The following VTCN1 variants were observed in gnomAD, a reference collection of about 807,000 sequenced individuals.
VTCN1 encodes V-set domain containing T cell activation inhibitor 1, also known as V-set domain-containing T-cell activation inhibitor 1.
In VTCN1, 26 loss-of-function variants were observed where a neutral mutation model predicts 26.5. The ratio of observed to expected loss-of-function variants is 0.98; its 90% CI spans 0.72 to 1.36. The LOEUF is 1.36. Among genes scored for constraint, VTCN1 ranks in the 40% most tolerant of loss-of-function variants. The pLI is 0.00. For synonymous variants in VTCN1, 116 were observed against 130.7 expected, an observed-to-expected ratio of 0.89 and a Z score of 0.77; for missense variants, 298 against 337.7, an observed-to-expected ratio of 0.88 and a Z score of 0.92.
At chr1:117,188,813 A>G (rs2101573747) in intron 1 of VTCN1, among the ~76,000 whole-genome samples, 1 of 152,340 alleles carries the variant, frequency 6.6e-6, no homozygotes, top group Non-Finnish European at 1.5e-5. Context: ...GACTCCTTAA[A>G]TTATACTTTT....
chr1:117,180,660 G>A (rs931108018), intron 1 of VTCN1, among the ~76,000 whole-genome samples: 3 of 152,204 alleles, frequency 2.0e-5, no homozygotes, highest in Non-Finnish European at 2.9e-5. Context: ...GAGATTGCAG[G>A]GGTGCTCACA....
At chr1:117,152,917 G>T (rs1234001827) in intron 4 of VTCN1, among the ~76,000 whole-genome samples, 174 bp downstream of exon 4, 1 of 152,064 alleles carries the variant, frequency 6.6e-6, no homozygotes, top group Non-Finnish European at 1.5e-5. Context: ...ATTGTTTTGT[G>T]TTGGGCTTTC....
intron 1 of VTCN1, among the ~76,000 whole-genome samples, chr1:117,178,599 T>C (rs2101547789): frequency 6.9e-6 from 1 of 144,140 alleles, no homozygotes; most frequent in South Asian, 2.3e-4. Context: ...TTTTTTTTTT[T>C]TTTTTTTTTT....
At position 117,183,093 on chromosome 1, in the gene VTCN1, T is replaced by C. The variant is rs180866000; in HGVS notation, c.33-12922A>G. Among the ~76,000 whole-genome samples, 5 of 152,288 alleles carry C rather than the reference T, an allele frequency of 3.3e-5. No individual in the cohort carries two copies. The East Asian group carries it at 9.6e-4, about 29-fold the overall frequency. ...AAGAAAGCATACTAAACCTGAAAGT[T>C]TGAATAAAAATATAAGCTCAAGAAG... On this transcript the variant is annotated intron_variant, in intron 1 of 5. Transcript: ENST00000369458. The surrounding 1 kb of genome is among the most constrained non-coding windows in gnomAD (Gnocchi z 4.1).
At chr1:117,210,384 C>T (rs575618641) in intron 1 of VTCN1, among the ~76,000 whole-genome samples, 2 of 152,280 alleles carry the variant, frequency 1.3e-5, no homozygotes, top group South Asian at 2.1e-4. Context: ...CATTCTCCTC[C>T]GTCCCCCTGG....
At chr1:117,187,238 G>A (rs1207256378) in intron 1 of VTCN1, among the ~76,000 whole-genome samples, 1 of 145,562 alleles carries the variant, frequency 6.9e-6, no homozygotes, top group Non-Finnish European at 1.5e-5. Flanking sequence ...TTGAGCCCAG[G>A]AGGCAGAGGT....
At chr1:117,170,421 C>G in intron 1 of VTCN1, 4 of 560,692 alleles carry the variant, frequency 7.1e-6, no homozygotes, top group Non-Finnish European at 1.4e-5. Flanking sequence ...CATTTACTGT[C>G]CTATTTCCAG....
rs1429141977 is a variant in VTCN1 at position 117,167,205 on chromosome 1, G to A, written c.97+2902C>T. On this transcript the variant is annotated intron_variant, in intron 2 of 5. Coordinates refer to ENST00000369458, the MANE Select transcript of VTCN1 (RefSeq NM_024626.4). The surrounding 1 kb of genome is among the most constrained non-coding windows in gnomAD (Gnocchi z 4.1). The stretch of plus-strand genomic sequence containing the variant: ...CATTTACAAATGTTTTTGTATGTCT[G>A]TACTGAAGTATACAAACATAAAAAT... 1.3e-5 allele frequency among the ~76,000 whole-genome samples: 2 copies of A among 151,440 alleles called. No individual in the cohort carries two copies. Among genetic ancestry groups the A allele is most frequent in the East Asian group, 3.9e-4 (2 of 5,188 alleles).
Position 117,156,826 on chromosome 1 carries a change from A to G in VTCN1, c.193T>C (p.Ser65Pro), listed in dbSNP as rs747277132. The G allele has an allele frequency of 1.2e-6, 2 of 1,614,080 alleles. No individual in the cohort carries two copies. Among genetic ancestry groups the G allele is most frequent in the South Asian group, 2.2e-5 (2 of 91,082 alleles). ...SCTFEPDIKL[S>P]DIVIQWLKEG... Reference sequence around the variant, plus strand: ...TTCAGCCATTGTATCACGATATCAGAAAGTTTGATGTCAGGTTCAAAAGTG... The same window carrying G: ...TTCAGCCATTGTATCACGATATCAGGAAGTTTGATGTCAGGTTCAAAAGTG... The change falls in exon 3 of 6, where the codon TCT (serine) becomes CCT (proline). Residue 65 changes from serine to proline, a missense_variant. Ser to Pro is a moderately conservative substitution (Grantham distance 74). Transcript: ENST00000369458.
At chr1:117,209,876 G>A (rs10923229) in intron 1 of VTCN1, among the ~76,000 whole-genome samples, 114,890 of 152,212 alleles carry the variant, frequency 0.75, 45,199 homozygotes, top group East Asian at 0.87. Context: ...CATTACTCTC[G>A]TAGTCTCTTC....
intron 1 of VTCN1, among the ~76,000 whole-genome samples, chr1:117,174,680 T>C (rs143529196): frequency 0.039 from 5,862 of 152,194 alleles, 163 homozygotes; most frequent in South Asian, 0.082. Context: ...GGCAGGAGAA[T>C]TGCTTGAGCC....
chr1:117,186,404 G>A (rs1647946625), intron 1 of VTCN1, among the ~76,000 whole-genome samples: 1 of 152,188 alleles, frequency 6.6e-6, no homozygotes, highest in South Asian at 2.1e-4. Context: ...AGATGCTGGG[G>A]CTCAGAAGCA....
At chr1:117,171,128 T>C (rs187127781) in intron 1 of VTCN1, among the ~76,000 whole-genome samples, 35 of 152,308 alleles carry the variant, frequency 2.3e-4, no homozygotes, top group Admixed American at 2.3e-3. Context: ...CCTGTGTTAG[T>C]TTGCTGAGAA....
At chr1:117,149,216 C>T (rs567951920) in intron 4 of VTCN1, among the ~76,000 whole-genome samples, 55 of 152,100 alleles carry the variant, frequency 3.6e-4, no homozygotes, top group African/African-American at 1.0e-3. Context: ...CCTGGGTACA[C>T]TATGGGCATT....
intron 1 of VTCN1, among the ~76,000 whole-genome samples, chr1:117,198,678 C>T (rs1648638105): frequency 2.0e-5 from 3 of 152,172 alleles, no homozygotes; most frequent in Non-Finnish European, 4.4e-5. Flanking sequence ...CACCTATAAA[C>T]TAAGATGAGA....
At position 117,145,641 on chromosome 1, in the gene VTCN1, T is replaced by G. The variant is rs892464053; in HGVS notation, c.*46-416A>C. ...ATGTTCTATTCATTTACTTTTATCA[T>G]TATTTTTTTGAGACAGGGTCTCACT... is the stretch of plus-strand genomic sequence containing the variant. On this transcript the variant is annotated intron_variant, in intron 5 of 5. Coordinates refer to ENST00000369458, the MANE Select transcript of VTCN1 (RefSeq NM_024626.4). This position sits in a 1 kb window ranked among gnomAD's most constrained non-coding sequence, Gnocchi z 4.6. 3.3e-5 allele frequency among the ~76,000 whole-genome samples: 5 copies of G among 152,198 alleles called. No individual in the cohort carries two copies. Among genetic ancestry groups the G allele is most frequent in the African/African-American group, 1.2e-4 (5 of 41,442 alleles).
chr1:117,189,466 G>A (rs1648131885), intron 1 of VTCN1, among the ~76,000 whole-genome samples: 1 of 152,184 alleles, frequency 6.6e-6, no homozygotes. Context: ...GTCGTTCCAC[G>A]AAAGGGAGAC....
At chr1:117,153,457 A>G (rs1651907688) in intron 3 of VTCN1, 88 bp from the exon 4 acceptor site, 2 of 1,349,596 alleles carry the variant, frequency 1.5e-6, no homozygotes, top group East Asian at 2.5e-5. Flanking sequence ...TTAAAAATGC[A>G]GTCATTTTTT....
At chr1:117,150,975 T>C (rs1014024487) in intron 4 of VTCN1, among the ~76,000 whole-genome samples, 1 of 152,228 alleles carries the variant, frequency 6.6e-6, no homozygotes, top group Non-Finnish European at 1.5e-5. Context: ...TGAATGGTAT[T>C]CTATTGTATG....
Sources: gnomAD v4.1 joint callset for allele counts (sites outside exome capture counted in the v4.1 genomes callset) on GRCh38, gnomAD v4.1.1 for gene constraint, Gnocchi (gnomAD v3.1) non-coding constraint, MANE v1.5 for transcripts, NCBI Gene and HGNC (gene_info 2026-07-23, HGNC 2026-07-21) for gene names.